Variants in BUB1B observed in about 807,000 individuals in gnomAD.
BUB1B encodes the protein mitotic checkpoint serine/threonine-protein kinase BUB1 beta.
BUB1B carries 86 observed loss-of-function variants against 137.7 expected under a neutral mutation model. That is an observed-to-expected ratio of 0.62 (90% CI 0.52 to 0.75). The LOEUF (loss-of-function observed/expected upper bound fraction) is 0.75, where lower values mean the gene tolerates loss of function less well. Ranked by LOEUF, BUB1B falls within the 30% of genes least tolerant of loss-of-function variation. The pLI, the probability that BUB1B is intolerant of heterozygous loss-of-function variation, is 0.00. For synonymous variants in BUB1B, 420 were observed against 417.9 expected (o/e 1.00, Z -0.06); for missense variants, 1,130 against 1,236.9 (o/e 0.91, Z 1.30).
In BUB1B at chr15:40,164,955, A is replaced by C. The variant is rs867659315; in HGVS notation, c.36-98A>C. On this transcript the variant is annotated intron_variant, in intron 1 of 22. Coordinates refer to ENST00000287598, the MANE Select transcript of BUB1B (RefSeq NM_001211.6). ...GTGTCAGTCCACTATATTCAACCCAAGACCATGAATAATCACCTTTCGGAA... is the reference window on the plus strand; with the variant it reads ...GTGTCAGTCCACTATATTCAACCCACGACCATGAATAATCACCTTTCGGAA... The C allele has an allele frequency of 6.1e-6, 9 of 1,470,004 alleles. No individual in the cohort carries two copies. The Middle Eastern group carries it at 8.1e-4, about 132-fold the overall frequency. 91.1% of individuals were successfully genotyped at this position (1,470,004 alleles called of 1,614,324 possible). A position where few individuals can be genotyped will look rare whatever the true frequency, so the allele number is the denominator to read the frequency against.
Position 40,208,736 on chromosome 15 carries a change from T to C in BUB1B, c.2109T>C (p.Ile703=). 6.2e-7 allele frequency: 1 copy of C among 1,613,588 alleles called. No individual in the cohort carries two copies. The highest frequency in any genetic ancestry group is 8.5e-7 in the Non-Finnish European group (1 of 1,179,470). Residue 703 remains isoleucine (I), a synonymous_variant, in exon 16 of 23, where the codon ATT becomes ATC. Transcript: ENST00000287598. ...CCTCCTCCATCAAATGTCTTCAAATTCCTGAGAAACTAGAACTTACTAATG... is the reference window on the plus strand; with the variant it reads ...CCTCCTCCATCAAATGTCTTCAAATCCCTGAGAAACTAGAACTTACTAATG... ...ASTSSIKCLQ[I]PEKLELTNET... is the part of the protein sequence containing the mutation.
At chr15:40,213,271 G>C (rs1305809453) in intron 19 of BUB1B, 61 bp from the exon 20 acceptor site, 1 of 1,578,488 alleles carries the variant, frequency 6.3e-7, no homozygotes, top group African/African-American at 1.3e-5. Context: ...TCAAGGTATT[G>C]AGTATAACTA....
Position 40,220,633 on chromosome 15 carries a change from G to C in BUB1B, c.3027G>C (p.Val1009=). ...TGAATGCCAATGATGAGGCCACAGTGTCTGTTCTTGGGGAGCTTGCAGCAG... is the reference window on the plus strand; with the variant it reads ...TGAATGCCAATGATGAGGCCACAGTCTCTGTTCTTGGGGAGCTTGCAGCAG... ...RILNANDEAT[V]SVLGELAAEM... The change falls in exon 23 of 23, where the codon GTG becomes GTC. Residue 1009 remains valine, a synonymous_variant. Coordinates refer to ENST00000287598, the MANE Select transcript of BUB1B (RefSeq NM_001211.6). 1 of 1,614,218 alleles carries C rather than the reference G, an allele frequency of 6.2e-7. No homozygotes were observed. The highest frequency in any genetic ancestry group is 1.1e-5 in the South Asian group (1 of 91,088).
At chr15:40,205,030 T>C (rs1384789008) in intron 14 of BUB1B, among the ~76,000 whole-genome samples, 1 of 145,790 alleles carries the variant, frequency 6.9e-6, no homozygotes, top group Non-Finnish European at 1.5e-5. Context: ...CACTGCAGCC[T>C]CCGCCTCCTG....
intron 15 of BUB1B, among the ~76,000 whole-genome samples, chr15:40,208,343 G>A (rs1444240290): frequency 2.0e-5 from 3 of 152,132 alleles, no homozygotes; most frequent in Non-Finnish European, 4.4e-5. Context: ...TTCAAGACCA[G>A]TCTGGCTAAC....
intron 9 of BUB1B, 35 bp downstream of exon 9, chr15:40,196,809 C>T (rs760497875): frequency 6.3e-7 from 1 of 1,593,136 alleles, no homozygotes; most frequent in East Asian, 2.2e-5. Flanking sequence ...GAGGACTTAA[C>T]TTAGTTGTGT....
chr15:40,198,817 G>A (rs2037529595), intron 9 of BUB1B, among the ~76,000 whole-genome samples: 1 of 152,106 alleles, frequency 6.6e-6, no homozygotes, highest in African/African-American at 2.4e-5. Context: ...GCATGGCCAA[G>A]CATGGTAGCA....
intron 15 of BUB1B, among the ~76,000 whole-genome samples, chr15:40,208,424 G>C (rs1334756450): frequency 6.6e-6 from 1 of 152,052 alleles, no homozygotes; most frequent in Non-Finnish European, 1.5e-5. Flanking sequence ...TGTAATCCCA[G>C]CTACTCAGGA....
In BUB1B at chr15:40,217,580, G is replaced by C. The variant is rs28989183; in HGVS notation, c.2763G>C (p.Gln921His). The change falls in exon 21 of 23, where the codon CAG becomes CAC. Residue 921 changes from glutamine to histidine, a missense_variant. Transcript: ENST00000287598. ...CCTACAGTGTTGACCTTAGGGTGCA[G>C]CTGGATGTTTTTACCCTCAGCGGCT... ...DFSYSVDLRV[Q>H]LDVFTLSGFR... 2.1e-4 allele frequency: 345 copies of C among 1,614,040 alleles called. No homozygotes were observed. The highest frequency in any genetic ancestry group is 2.8e-4 in the Non-Finnish European group (328 of 1,180,026).
At chr15:40,181,805 T>G (rs1235945112) in intron 5 of BUB1B, among the ~76,000 whole-genome samples, 1 of 152,256 alleles carries the variant, frequency 6.6e-6, no homozygotes, top group Non-Finnish European at 1.5e-5. Context: ...AATTTCTGTT[T>G]CATTCTTTTT....
intron 2 of BUB1B, among the ~76,000 whole-genome samples, chr15:40,167,433 C>G (rs1391131145): frequency 6.7e-6 from 1 of 149,166 alleles, no homozygotes; most frequent in Non-Finnish European, 1.5e-5. Flanking sequence ...ACCTCCGCCT[C>G]CCGGGTTCAA....
rs756702953 is a variant in BUB1B, at chr15:40,176,609, G to A, written c.517G>A (p.Ala173Thr). Residue 173 changes from alanine (A) to threonine (T), a missense_variant, in exon 5 of 23, where the codon GCG becomes ACG. Ala to Thr is a moderately conservative substitution (Grantham distance 58, BLOSUM62 0). Coordinates refer to ENST00000287598, the MANE Select transcript of BUB1B (RefSeq NM_001211.6). Reference sequence around the variant, plus strand: ...TAGAGAAAACTTTAGGAAAGCAGATGCGATATTTCAGGAAGGGATTCAACA... The same window carrying A: ...TAGAGAAAACTTTAGGAAAGCAGATACGATATTTCAGGAAGGGATTCAACA... The part of the protein sequence containing the change: ...EARENFRKAD[A>T]IFQEGIQQKA... The A allele has an allele frequency of 6.2e-6, 10 of 1,614,100 alleles. No individual in the cohort carries two copies. Among genetic ancestry groups the A allele is most frequent in the Non-Finnish European group, 7.6e-6 (9 of 1,180,006 alleles).
At chr15:40,166,515 AT>A in intron 2 of BUB1B, 1 of 289,832 alleles carries the variant, frequency 3.5e-6, no homozygotes, top group Non-Finnish European at 6.7e-6. Context: ...AATTTTTTCT[AT>A]TTTTTAGTAG....
rs55809772 is a variant in BUB1B at position 40,200,476 on chromosome 15, T to A, written c.1517+117T>A. On this transcript the variant is annotated intron_variant, in intron 11 of 22. Coordinates refer to ENST00000287598, the MANE Select transcript of BUB1B (RefSeq NM_001211.6). ...TTACAGTATCGAGACATGGTTTTTG[T>A]AAGTCTCTGTCACAACATAAGCTTT... The A allele has an allele frequency of 4.3e-3, 3,125 of 730,062 alleles. 80 individuals carry two copies. The African/African-American group carries it at 0.049, about 12-fold the overall frequency. The allele number at this position is 730,062 out of a possible 1,614,324, so 45.2% of individuals were successfully genotyped here. A position where few individuals can be genotyped will look rare whatever the true frequency, so the allele number is the denominator to read the frequency against.
chr15:40,185,888 CA>C (rs1397228634), intron 8 of BUB1B, among the ~76,000 whole-genome samples: 1 of 151,966 alleles, frequency 6.6e-6, no homozygotes, highest in African/African-American at 2.4e-5. Context: ...AGTAACCAGA[CA>C]AAATTTTGTA....
intron 20 of BUB1B, among the ~76,000 whole-genome samples, chr15:40,214,295 G>C (rs937041272): frequency 7.9e-5 from 12 of 152,180 alleles, no homozygotes; most frequent in South Asian, 2.1e-4. Context: ...GGTGAGCACA[G>C]AGCAGGAAAT....
At chr15:40,212,429 A>G (rs1216896816) in intron 18 of BUB1B, 70 bp from the exon 19 acceptor site, 8 of 1,167,164 alleles carry the variant, frequency 6.9e-6, no homozygotes, top group African/African-American at 3.0e-5. Flanking sequence ...GCTGGAAGGA[A>G]TGTGTTTCAA....
At chr15:40,201,351 G>A (rs2037566894) in intron 12 of BUB1B, among the ~76,000 whole-genome samples, 1 of 152,124 alleles carries the variant, frequency 6.6e-6, no homozygotes, top group Non-Finnish European at 1.5e-5. Flanking sequence ...TGTGTTAAAA[G>A]TGGTGAAACA....
chr15:40,184,331 A>ATAGGT (rs1043665078), intron 6 of BUB1B, among the ~76,000 whole-genome samples: 1 of 150,214 alleles, frequency 6.7e-6, no homozygotes, highest in African/African-American at 2.5e-5. Flanking sequence ...TTTTTGAGAG[A>ATAGGT]TAGGTTCTCG....
Sources: gnomAD v4.1 joint callset for allele counts (sites outside exome capture counted in the v4.1 genomes callset) on GRCh38, gnomAD v4.1.1 for gene constraint, MANE v1.5 for transcripts, NCBI Gene and HGNC (gene_info 2026-07-23, HGNC 2026-07-21) for gene names.